GPR158: variants seen among roughly 807,000 people sequenced by gnomAD.
The protein encoded by GPR158 is G protein-coupled receptor 158.
A neutral mutation model predicts 78.2 loss-of-function variants in GPR158; 30 were observed. That is an observed-to-expected ratio of 0.38 (90% confidence interval 0.29 to 0.52). The LOEUF is 0.52. Among genes scored for constraint, GPR158 ranks in the 20% least tolerant of loss-of-function variants. The pLI is 0.83. For synonymous variants in GPR158, 581 were observed against 591.1 expected, an observed-to-expected ratio of 0.98 and a Z score of 0.25; for missense variants, 1,463 against 1,523.5, an observed-to-expected ratio of 0.96 and a Z score of 0.66.
At chr10:25,203,144 T>A (rs768230407) in intron 1 of GPR158, among the ~76,000 whole-genome samples, 6 of 152,248 alleles carry the variant, frequency 3.9e-5, no homozygotes, top group Non-Finnish European at 7.3e-5. Context: ...TTGTAGATTC[T>A]GGATATTAGC....
At chr10:25,498,783 G>T (rs1015146025) in intron 5 of GPR158, among the ~76,000 whole-genome samples, 1 of 152,144 alleles carries the variant, frequency 6.6e-6, no homozygotes, top group Non-Finnish European at 1.5e-5. Flanking sequence ...GGTGAATAGG[G>T]TTGCTCGCAT....
intron 2 of GPR158, among the ~76,000 whole-genome samples, chr10:25,275,411 A>G (rs1854170905): frequency 6.6e-6 from 1 of 152,186 alleles, no homozygotes. Flanking sequence ...TTGTCTTCCC[A>G]TGGAACTCTT....
chr10:25,448,704 TG>T (rs1444324554), intron 4 of GPR158, among the ~76,000 whole-genome samples: 6 of 152,222 alleles, frequency 3.9e-5, no homozygotes, highest in Admixed American at 1.3e-4. Context: ...TTTTCCAAAG[TG>T]GTTGTACCAT....
At chr10:25,232,891 C>T (rs928598378) in intron 2 of GPR158, among the ~76,000 whole-genome samples, 4 of 151,914 alleles carry the variant, frequency 2.6e-5, no homozygotes, top group Non-Finnish European at 5.9e-5. Flanking sequence ...TAAGCTCACA[C>T]GTAGGTGTAT....
In GPR158 at chr10:25,175,316, G is replaced by A. The variant is rs1329997589; in HGVS notation, c.-105G>A. On this transcript the variant is annotated 5_prime_UTR_variant, in exon 1 of 11. Coordinates refer to ENST00000376351, the MANE Select transcript of GPR158 (RefSeq NM_020752.3). This position sits in a 1 kb window ranked among gnomAD's most constrained non-coding sequence, Gnocchi z 6.4. ...TTTGGACTGGGTGCCATCTGGAGAA[G>A]GGGGAAGACTCCTCGAAAAAGTCTG... 1 of 681,738 alleles carries A rather than the reference G, an allele frequency of 1.5e-6. No homozygotes were observed. The highest frequency in any genetic ancestry group is 1.8e-5 in the African/African-American group (1 of 55,498). 42.2% of individuals were successfully genotyped at this position (681,738 alleles called of 1,614,324 possible).
intron 5 of GPR158, among the ~76,000 whole-genome samples, chr10:25,519,429 G>T (rs1172664095): frequency 1.2e-4 from 15 of 126,510 alleles, no homozygotes; most frequent in East Asian, 4.9e-4. Flanking sequence ...ATGTTAGCTG[G>T]TGATTTTGCT....
intron 5 of GPR158, among the ~76,000 whole-genome samples, chr10:25,475,228 A>G (rs1835566371): frequency 6.6e-6 from 1 of 152,136 alleles, no homozygotes; most frequent in Non-Finnish European, 1.5e-5. Flanking sequence ...AAAGAAAAAG[A>G]CTGTGTACTT....
At chr10:25,233,237 C>T (rs758131767) in intron 2 of GPR158, among the ~76,000 whole-genome samples, 1 of 152,178 alleles carries the variant, frequency 6.6e-6, no homozygotes, top group Non-Finnish European at 1.5e-5. Context: ...AGAGGGCTGT[C>T]CCTCAGCAGT....
chr10:25,329,252 C>T (rs977963797), intron 2 of GPR158, among the ~76,000 whole-genome samples: 9 of 151,746 alleles, frequency 5.9e-5, no homozygotes, highest in Admixed American at 4.6e-4. Flanking sequence ...CTGGCTAACA[C>T]GGTGAAACCC....
At chr10:25,593,485 G>A (rs115037084) in intron 8 of GPR158, among the ~76,000 whole-genome samples, 2,274 of 151,920 alleles carry the variant, frequency 0.015, 41 homozygotes, top group African/African-American at 0.052. Flanking sequence ...TTGCTTTCAC[G>A]GATAAACAAT....
At chr10:25,495,031 G>C (rs969688833) in intron 5 of GPR158, among the ~76,000 whole-genome samples, 1 of 152,118 alleles carries the variant, frequency 6.6e-6, no homozygotes, top group East Asian at 1.9e-4. Context: ...GAAAGCAGTA[G>C]TTTTCTGAAG....
chr10:25,317,017 C>A (rs377238914), intron 2 of GPR158, among the ~76,000 whole-genome samples: 1 of 150,600 alleles, frequency 6.6e-6, no homozygotes, highest in Non-Finnish European at 1.5e-5. Flanking sequence ...CCTATTTTAA[C>A]TACTTTCTTT....
chr10:25,554,922 C>T (rs1836767851), intron 6 of GPR158, among the ~76,000 whole-genome samples: 1 of 152,070 alleles, frequency 6.6e-6, no homozygotes, highest in African/African-American at 2.4e-5. Flanking sequence ...GCCTACACCC[C>T]AGGCAGACCA....
At chr10:25,266,379 C>A (rs1009935027) in intron 2 of GPR158, among the ~76,000 whole-genome samples, 3 of 152,100 alleles carry the variant, frequency 2.0e-5, no homozygotes, top group African/African-American at 7.2e-5. Flanking sequence ...CCTTTGTGGG[C>A]CCTTTACTGT....
chr10:25,520,454 G>A (rs1394199832), intron 5 of GPR158, among the ~76,000 whole-genome samples: 4 of 150,438 alleles, frequency 2.7e-5, no homozygotes, highest in African/African-American at 5.0e-5. Flanking sequence ...GGCGTTCTGC[G>A]TTTTAGAGTT....
chr10:25,499,031 C>T (rs770331299), intron 5 of GPR158, among the ~76,000 whole-genome samples: 2 of 152,058 alleles, frequency 1.3e-5, no homozygotes, highest in Non-Finnish European at 2.9e-5. Flanking sequence ...ATTGAATTCT[C>T]AGGAATCTGG....
In GPR158 at chr10:25,454,637, A is replaced by C. The variant is rs369845109; in HGVS notation, c.1336-12014A>C. On this transcript the variant is annotated intron_variant, in intron 4 of 10. Transcript: ENST00000376351. ...GTAAAAGAACAGTGATTTCATTTACACCTGGGTCCTGTTCTGCCTCCACCC... is the reference window on the plus strand; with the variant it reads ...GTAAAAGAACAGTGATTTCATTTACCCCTGGGTCCTGTTCTGCCTCCACCC... 2.0e-5 allele frequency among the ~76,000 whole-genome samples: 3 copies of C among 152,298 alleles called. No individual in the cohort carries two copies. In the East Asian group the frequency reaches 5.8e-4, roughly 29 times the overall value.
chr10:25,512,552 C>T (rs188669852), intron 5 of GPR158, among the ~76,000 whole-genome samples: 3 of 152,166 alleles, frequency 2.0e-5, no homozygotes, highest in Non-Finnish European at 2.9e-5. Context: ...CTGGCTAGGA[C>T]TTCCAGTACT....
intron 1 of GPR158, among the ~76,000 whole-genome samples, chr10:25,199,478 C>G (rs560791553): frequency 1.3e-5 from 2 of 152,226 alleles, no homozygotes; most frequent in South Asian, 2.1e-4. Flanking sequence ...AAGAACATAG[C>G]CTCATTCTTT....
Sources: allele counts gnomAD v4.1 joint callset (sites outside exome capture counted in the v4.1 genomes callset), GRCh38; gene constraint gnomAD v4.1.1; non-coding constraint Gnocchi (gnomAD v3.1); transcripts MANE v1.5; gene names NCBI Gene and HGNC (gene_info 2026-07-23, HGNC 2026-07-21).